SLC4A4: variants seen among roughly 807,000 people sequenced by gnomAD.
The protein encoded by SLC4A4 is solute carrier family 4 member 4, also known as electrogenic sodium bicarbonate cotransporter 1.
SLC4A4 carries 27 observed loss-of-function variants against 111.5 expected under a neutral mutation model. The ratio of observed to expected loss-of-function variants is 0.24; its 90% CI spans 0.18 to 0.33. The LOEUF (loss-of-function observed/expected upper bound fraction) is 0.33. Among genes scored for constraint, SLC4A4 ranks in the 10% least tolerant of loss-of-function variants. The pLI is 1.00. For synonymous variants in SLC4A4, 443 were observed against 463.4 expected, an observed-to-expected ratio of 0.96 and a Z score of 0.57; for missense variants, 909 against 1,315.5, an observed-to-expected ratio of 0.69 and a Z score of 4.78.
intron 7 of SLC4A4, among the ~76,000 whole-genome samples, chr4:71,417,710 T>A (rs1721946238): frequency 6.6e-6 from 1 of 151,686 alleles, no homozygotes; most frequent in South Asian, 2.1e-4. Flanking sequence ...TCATTAAAAA[T>A]TTTAAAGGTA....
chr4:71,402,621 T>G (rs1297146965), intron 7 of SLC4A4, among the ~76,000 whole-genome samples: 2 of 152,208 alleles, frequency 1.3e-5, no homozygotes, highest in African/African-American at 4.8e-5. Flanking sequence ...GAGCTCCAGA[T>G]GGAATCACAT....
chr4:71,063,902 T>G (rs1272675290), intron 1 of SLC4A4, among the ~76,000 whole-genome samples: 1 of 152,142 alleles, frequency 6.6e-6, no homozygotes, highest in Admixed American at 6.6e-5. Context: ...TTTTTACAGG[T>G]CTAACCTGCT....
Position 71,273,992 on chromosome 4 carries a change from A to T in SLC4A4, c.253+18593A>T, listed in dbSNP as rs1366607963. ...TAAATACAGTTGAAACTTGAACAAC[A>T]TGGGAGTTAGGGGCACTGACCTAAC... On this transcript the variant is annotated intron_variant, in intron 3 of 25. Coordinates refer to ENST00000264485, the MANE Select transcript of SLC4A4 (RefSeq NM_001098484.3). 3.7e-4 allele frequency among the ~76,000 whole-genome samples: 56 copies of T among 152,196 alleles called. 2 individuals are homozygous for T. The highest frequency in any genetic ancestry group is 3.5e-3 in the Admixed American group (53 of 15,284).
At chr4:71,173,157 T>C (rs745924657) in intron 2 of SLC4A4, among the ~76,000 whole-genome samples, 6 of 152,316 alleles carry the variant, frequency 3.9e-5, no homozygotes, top group African/African-American at 9.6e-5. Context: ...TCATGTGAGA[T>C]AGCTGTGGCA....
At chr4:71,156,527 T>C (rs1744467896) in intron 2 of SLC4A4, among the ~76,000 whole-genome samples, 2 of 147,982 alleles carry the variant, frequency 1.4e-5, no homozygotes, top group East Asian at 4.1e-4. Flanking sequence ...GGTAAAATTA[T>C]ACCTTGAGAG....
At chr4:71,066,685 T>G (rs1325597716) in intron 1 of SLC4A4, among the ~76,000 whole-genome samples, 1 of 152,206 alleles carries the variant, frequency 6.6e-6, no homozygotes, top group Non-Finnish European at 1.5e-5. Context: ...TTCTTTCTTC[T>G]CTTTGATGTC....
intron 2 of SLC4A4, among the ~76,000 whole-genome samples, chr4:71,174,481 C>A (rs1227213414): frequency 6.6e-6 from 1 of 152,060 alleles, no homozygotes; most frequent in Non-Finnish European, 1.5e-5. Flanking sequence ...CTCCTGGACT[C>A]AAGTAATCCA....
intron 14 of SLC4A4, among the ~76,000 whole-genome samples, chr4:71,485,309 C>G (rs1471132312): frequency 6.6e-6 from 1 of 151,712 alleles, no homozygotes; most frequent in Non-Finnish European, 1.5e-5. Context: ...TATGTTCCTT[C>G]AACACCTAGT....
chr4:71,520,758 C>T (rs767065178), intron 16 of SLC4A4, among the ~76,000 whole-genome samples: 2 of 152,046 alleles, frequency 1.3e-5, no homozygotes, highest in Non-Finnish European at 2.9e-5. Context: ...GGATGATTCA[C>T]AATTGTCATA....
At chr4:71,193,201 C>T (rs542075123) in intron 1 of SLC4A4, among the ~76,000 whole-genome samples, 4 of 152,306 alleles carry the variant, frequency 2.6e-5, no homozygotes, top group Admixed American at 6.5e-5. Flanking sequence ...TGTCTGTCGC[C>T]CAGGCTGGAG....
rs1356253676 is a variant in SLC4A4 at position 71,377,487 on chromosome 4, G to A, written c.731-20090G>A. Among the ~76,000 whole-genome samples, 3 of 152,300 alleles carry A rather than the reference G, an allele frequency of 2.0e-5. No homozygotes were observed. The East Asian group carries it at 5.8e-4, about 29-fold the overall frequency. On this transcript the variant is annotated intron_variant, in intron 6 of 25. Transcript: ENST00000264485. ...TTTTGTTGGGGTGAGAGGAAGAGCA[G>A]GTCTTCCTGACTTTCTGTCTTTGCT...
chr4:71,555,431 C>T (rs940256149), intron 21 of SLC4A4, among the ~76,000 whole-genome samples: 1 of 151,948 alleles, frequency 6.6e-6, no homozygotes, highest in Admixed American at 6.6e-5. Context: ...TTTAAATAGG[C>T]TGTTAAAAGT....
chr4:71,380,657 T>A (rs1254596176), intron 6 of SLC4A4, among the ~76,000 whole-genome samples: 1 of 152,222 alleles, frequency 6.6e-6, no homozygotes, highest in African/African-American at 2.4e-5. Context: ...ACTGGTGTTT[T>A]AAGCCATGAG....
intron 6 of SLC4A4, among the ~76,000 whole-genome samples, chr4:71,393,436 A>G (rs1225147311): frequency 1.3e-5 from 2 of 152,128 alleles, no homozygotes; most frequent in Non-Finnish European, 2.9e-5. Context: ...AAAATAAAAT[A>G]CTTAGGAATA....
chr4:71,367,982 A>G (rs139912818), intron 6 of SLC4A4, among the ~76,000 whole-genome samples: 4 of 152,272 alleles, frequency 2.6e-5, no homozygotes, highest in African/African-American at 9.6e-5. Flanking sequence ...AGATTATCTC[A>G]TATTTGCTGT....
intron 2 of SLC4A4, among the ~76,000 whole-genome samples, chr4:71,110,526 T>G (rs1296474179): frequency 6.6e-6 from 1 of 152,240 alleles, no homozygotes; most frequent in African/African-American, 2.4e-5. Context: ...GTAACTTTTA[T>G]GTTAACTTTA....
intron 4 of SLC4A4, 39 bp downstream of exon 4, chr4:71,339,544 A>G (rs139060311): frequency 1.9e-6 from 3 of 1,602,538 alleles, no homozygotes; most frequent in Non-Finnish European, 2.6e-6. Context: ...TGACCCAGGG[A>G]AACAAGGGCA....
At chr4:71,375,165 G>A (rs1394682237) in intron 6 of SLC4A4, among the ~76,000 whole-genome samples, 1 of 152,122 alleles carries the variant, frequency 6.6e-6, no homozygotes, top group Non-Finnish European at 1.5e-5. Context: ...TTGGGCATAT[G>A]GAAACGCATC....
chr4:71,454,548 AT>A (rs548543667), intron 12 of SLC4A4, among the ~76,000 whole-genome samples: 29 of 148,524 alleles, frequency 2.0e-4, no homozygotes, highest in African/African-American at 1.5e-4. Flanking sequence ...CAGCCAGCTT[AT>A]TTTTTTTTTA....
Sources: allele counts gnomAD v4.1 joint callset (sites outside exome capture counted in the v4.1 genomes callset), GRCh38; gene constraint gnomAD v4.1.1; transcripts MANE v1.5; gene names NCBI Gene and HGNC (gene_info 2026-07-23, HGNC 2026-07-21).